The following DOCK3 variants were observed in gnomAD, a reference collection of about 807,000 sequenced individuals.
DOCK3 encodes the protein dedicator of cytokinesis 3, also known as dedicator of cytokinesis protein 3.
Under a neutral mutation model 265.6 loss-of-function variants are expected in DOCK3, and 60 were observed. That is an observed-to-expected ratio of 0.23 (90% CI 0.18 to 0.28). The LOEUF (loss-of-function observed/expected upper bound fraction) is 0.28. DOCK3 is among the 10% of genes least tolerant of loss of function. The pLI is 1.00. For synonymous variants in DOCK3, 881 were observed against 938.0 expected (o/e 0.94, Z 1.11); for missense variants, 1,981 against 2,594.3 (o/e 0.76, Z 5.14).
intron 14 of DOCK3, among the ~76,000 whole-genome samples, chr3:51,219,981 C>T (rs1190804727): frequency 6.6e-6 from 1 of 152,148 alleles, no homozygotes; most frequent in Non-Finnish European, 1.5e-5. Flanking sequence ...GCATCACTGA[C>T]TTTGTTGCAA....
intron 10 of DOCK3, among the ~76,000 whole-genome samples, chr3:51,157,409 C>T (rs1246801982): frequency 6.6e-6 from 1 of 151,896 alleles, no homozygotes; most frequent in Non-Finnish European, 1.5e-5. Context: ...CCACACCCTG[C>T]TAATTTTTGT....
chr3:50,919,196 T>C lies in DOCK3; in HGVS notation c.219-14785T>C, dbSNP rs564177410. Among the ~76,000 whole-genome samples, 182 of 152,358 alleles carry C rather than the reference T, an allele frequency of 1.2e-3. 1 individual carries two copies. Among genetic ancestry groups the C allele is most frequent in the African/African-American group, 4.1e-3 (172 of 41,590 alleles). ...TATAGTTTGAAGTCAGGTAGTGTGATGCTTCCAGCTTTGTTCTTTTGGCTT... is the reference window on the plus strand; with the variant it reads ...TATAGTTTGAAGTCAGGTAGTGTGACGCTTCCAGCTTTGTTCTTTTGGCTT... On this transcript the variant is annotated intron_variant, in intron 4 of 52. Coordinates refer to ENST00000266037, the MANE Select transcript of DOCK3 (RefSeq NM_004947.5).
At chr3:51,024,907 G>A (rs2079749805) in intron 5 of DOCK3, among the ~76,000 whole-genome samples, 2 of 152,190 alleles carry the variant, frequency 1.3e-5, no homozygotes, top group South Asian at 4.1e-4. Flanking sequence ...CCAGGGTGTT[G>A]CAGGCAGTGA....
intron 5 of DOCK3, among the ~76,000 whole-genome samples, chr3:50,988,693 G>A (rs562332991): frequency 5.3e-5 from 8 of 152,260 alleles, no homozygotes; most frequent in East Asian, 1.9e-4. Flanking sequence ...TTTTGCAGCC[G>A]TCACTTGTGA....
At chr3:51,252,257 T>C (rs1326382802) in intron 22 of DOCK3, among the ~76,000 whole-genome samples, 6 of 152,382 alleles carry the variant, frequency 3.9e-5, no homozygotes, top group Non-Finnish European at 8.8e-5. Flanking sequence ...CTGTTTTGGT[T>C]ACTGTAGCCT....
intron 3 of DOCK3, among the ~76,000 whole-genome samples, chr3:50,855,654 CTTAT>C (rs562663180): frequency 6.6e-5 from 10 of 151,886 alleles, no homozygotes; most frequent in South Asian, 2.1e-4. Context: ...CCTTTTATTT[CTTAT>C]TTATTTATTT....
chr3:50,961,133 A>G (rs1212590478), intron 5 of DOCK3, among the ~76,000 whole-genome samples: 1 of 152,226 alleles, frequency 6.6e-6, no homozygotes, highest in Non-Finnish European at 1.5e-5. Flanking sequence ...AAAACCAGTT[A>G]ACAAGTGCGA....
In DOCK3 at chr3:51,382,681, A is replaced by G. The variant is rs1459073284; in HGVS notation, c.*1122A>G. On this transcript the variant is annotated 3_prime_UTR_variant, in exon 53 of 53. Coordinates refer to ENST00000266037, the MANE Select transcript of DOCK3 (RefSeq NM_004947.5). ...TTTGGAAGCAGATAGCCATGCAGGTAGAATTGTCATCTCCCAAGTGGCCAC... is the reference window on the plus strand; with the variant it reads ...TTTGGAAGCAGATAGCCATGCAGGTGGAATTGTCATCTCCCAAGTGGCCAC... 6.6e-6 allele frequency: 1 copy of G among 152,524 alleles called. No individual in the cohort carries two copies. The highest frequency in any genetic ancestry group is 1.5e-5 in the Non-Finnish European group (1 of 68,052). 9.4% of individuals were successfully genotyped at this position (152,524 alleles called of 1,614,324 possible).
At chr3:51,099,797 A>G (rs2083011359) in intron 9 of DOCK3, among the ~76,000 whole-genome samples, 1 of 152,200 alleles carries the variant, frequency 6.6e-6, no homozygotes, top group Non-Finnish European at 1.5e-5. Flanking sequence ...ATTTGAAGGG[A>G]TAAGTGTTAT....
intron 24 of DOCK3, among the ~76,000 whole-genome samples, chr3:51,272,308 G>A (rs2080546721): frequency 6.9e-6 from 1 of 145,216 alleles, no homozygotes; most frequent in South Asian, 2.1e-4. Context: ...ACGGAGTCTC[G>A]CTCTGTTGCC....
intron 9 of DOCK3, among the ~76,000 whole-genome samples, chr3:51,103,312 A>G (rs1376948574): frequency 1.3e-5 from 2 of 152,230 alleles, no homozygotes; most frequent in Admixed American, 1.3e-4. Context: ...AGTAGGTGAC[A>G]TGCTCATGCA....
At chr3:50,848,211 T>C (rs1200263029) in intron 3 of DOCK3, among the ~76,000 whole-genome samples, 9 of 152,202 alleles carry the variant, frequency 5.9e-5, no homozygotes, top group Non-Finnish European at 1.2e-4. Flanking sequence ...ATGGATCTCC[T>C]GAAGATGGCA....
At chr3:50,873,677 C>G (rs2047546493) in intron 3 of DOCK3, among the ~76,000 whole-genome samples, 1 of 152,174 alleles carries the variant, frequency 6.6e-6, no homozygotes, top group Non-Finnish European at 1.5e-5. Flanking sequence ...AGCCCCAGAG[C>G]CTTTAGCCTG....
intron 4 of DOCK3, among the ~76,000 whole-genome samples, chr3:50,932,358 A>T (rs2051113767): frequency 6.6e-6 from 1 of 151,866 alleles, no homozygotes; most frequent in Non-Finnish European, 1.5e-5. Flanking sequence ...ATAATACTTG[A>T]TGCTAATTTT....
At chr3:51,238,929 T>G (rs2078468631) in intron 21 of DOCK3, among the ~76,000 whole-genome samples, 1 of 152,226 alleles carries the variant, frequency 6.6e-6, no homozygotes, top group Non-Finnish European at 1.5e-5. Flanking sequence ...TATGCAAGCA[T>G]GTGTCTTTAT....
intron 2 of DOCK3, among the ~76,000 whole-genome samples, chr3:50,834,963 A>T (rs770393299): frequency 6.6e-6 from 1 of 152,190 alleles, no homozygotes; most frequent in Non-Finnish European, 1.5e-5. Context: ...CTTATAGACA[A>T]TTCAATTCAG....
chr3:50,746,857 A>C (rs1361152096), intron 1 of DOCK3, among the ~76,000 whole-genome samples: 1 of 152,130 alleles, frequency 6.6e-6, no homozygotes, highest in Non-Finnish European at 1.5e-5. Context: ...ATCTGCCTGC[A>C]TGACCCAAAC....
chr3:50,702,059 T>C (rs1232893799), intron 1 of DOCK3, among the ~76,000 whole-genome samples: 1 of 152,230 alleles, frequency 6.6e-6, no homozygotes, highest in African/African-American at 2.4e-5. Flanking sequence ...CAGTCTTTTG[T>C]GGTTCCATAC....
At chr3:51,085,152 A>G (rs1217670685) in intron 7 of DOCK3, among the ~76,000 whole-genome samples, 1 of 152,250 alleles carries the variant, frequency 6.6e-6, no homozygotes, top group Admixed American at 6.5e-5. Flanking sequence ...ATGTGCATCC[A>G]ATACCACAGC....
Sources: allele counts gnomAD v4.1 joint callset (sites outside exome capture counted in the v4.1 genomes callset), GRCh38; gene constraint gnomAD v4.1.1; transcripts MANE v1.5; gene names NCBI Gene and HGNC (gene_info 2026-07-23, HGNC 2026-07-21).